ATL3: variants seen among roughly 807,000 people sequenced by gnomAD.
ATL3 encodes atlastin GTPase 3, also known as atlastin-3.
In ATL3, 49 loss-of-function variants were observed where a neutral mutation model predicts 69.5. The observed-to-expected ratio is 0.71, with a 90% confidence interval of 0.56 to 0.89. ATL3 has a LOEUF of 0.89. ATL3 is among the 40% of genes least tolerant of loss of function. The pLI is 0.00. For missense variants in ATL3, 606 were observed against 645.7 expected, an observed-to-expected ratio of 0.94 and a Z score of 0.67; for synonymous variants, 214 against 224.1, an observed-to-expected ratio of 0.95 and a Z score of 0.40.
At chr11:63,665,948 A>G in intron 1 of ATL3, among the ~76,000 whole-genome samples, 1 of 152,090 alleles carries the variant, frequency 6.6e-6, no homozygotes, top group East Asian at 1.9e-4. Flanking sequence ...TGAGCTGTAC[A>G]CACCAATAAT....
intron 5 of ATL3, among the ~76,000 whole-genome samples, chr11:63,649,719 G>T (rs1239477653): frequency 6.6e-6 from 1 of 151,470 alleles, no homozygotes; most frequent in East Asian, 1.9e-4. Flanking sequence ...TGTACTTTCA[G>T]TAGAGACAGG....
intron 6 of ATL3, among the ~76,000 whole-genome samples, chr11:63,645,522 G>A (rs1939842180): frequency 6.6e-6 from 1 of 152,126 alleles, no homozygotes; most frequent in East Asian, 1.9e-4. Flanking sequence ...TGAGGCATAG[G>A]TCAGCAAAGA....
rs1428810989 is a variant in ATL3, at chr11:63,671,244, C to A, written c.46+46G>T. On this transcript the variant is annotated intron_variant, in intron 1 of 12. Transcript: ENST00000398868. ...CTTTTCAGAACTACAGCAGGGAAGG[C>A]GGCGGGGGTGGCCGCGGGGCGATCC... 3.9e-6 allele frequency: 6 copies of A among 1,543,400 alleles called. No homozygotes were observed. The Admixed American group carries it at 1.0e-4, about 26-fold the overall frequency.
At chr11:63,635,384 C>T in intron 10 of ATL3, 150 bp downstream of exon 10, 1 of 657,036 alleles carries the variant, frequency 1.5e-6, no homozygotes, top group Non-Finnish European at 2.6e-6. Flanking sequence ...CGCCACACTA[C>T]TGCAAAATGT....
intron 3 of ATL3, among the ~76,000 whole-genome samples, chr11:63,657,180 G>C (rs1940279888): frequency 6.9e-6 from 1 of 144,658 alleles, no homozygotes; most frequent in South Asian, 2.2e-4. Flanking sequence ...CTGCACTCCA[G>C]CCTGGGCAAC....
chr11:63,645,586 G>A (rs1033493346), intron 6 of ATL3, among the ~76,000 whole-genome samples: 1 of 151,744 alleles, frequency 6.6e-6, no homozygotes, highest in African/African-American at 2.4e-5. Context: ...GAGAGTGAGT[G>A]AGTGTGTATG....
At chr11:63,669,422 C>T (rs959824562) in intron 1 of ATL3, among the ~76,000 whole-genome samples, 3 of 151,834 alleles carry the variant, frequency 2.0e-5, no homozygotes, top group Admixed American at 1.3e-4. Context: ...GTAATCCCAG[C>T]TACCTGGGAG....
At position 63,628,569 on chromosome 11, in the gene ATL3, C is replaced by G. The variant is rs149562397; in HGVS notation, c.*750G>C. 0.014 allele frequency: 2,168 copies of G among 152,250 alleles called. 23 individuals are homozygous for G. Among genetic ancestry groups the G allele is most frequent in the Non-Finnish European group, 0.023 (1,546 of 68,050 alleles). 9.4% of individuals were successfully genotyped at this position (152,250 alleles called of 1,614,324 possible). ...CTTCTTGGCCGGGCACGGTGGCTCACGCCTGTAATCCCAGCACTTTGGGAG... is the reference window on the plus strand; with the variant it reads ...CTTCTTGGCCGGGCACGGTGGCTCAGGCCTGTAATCCCAGCACTTTGGGAG... On this transcript the variant is annotated 3_prime_UTR_variant, in exon 13 of 13. Coordinates refer to ENST00000398868, the MANE Select transcript of ATL3 (RefSeq NM_015459.5).
intron 1 of ATL3, among the ~76,000 whole-genome samples, chr11:63,659,671 G>A (rs993434168): frequency 4.6e-5 from 7 of 151,832 alleles, no homozygotes; most frequent in East Asian, 1.9e-4. Context: ...ACAGTGGTTC[G>A]CCCCTGTAAT....
At chr11:63,671,469 G>A (rs1012040688), upstream of ATL3, 17 of 1,473,106 alleles carry the variant, frequency 1.2e-5, no homozygotes, top group African/African-American at 3.0e-5. Context: ...AGAAGGTGGG[G>A]CACGCGGAGC....
chr11:63,665,065 G>C lies in ATL3; in HGVS notation c.47-5813C>G, dbSNP rs534297341. Among the ~76,000 whole-genome samples, 419 of 152,322 alleles carry C rather than the reference G, an allele frequency of 2.8e-3. 1 individual carries two copies. The highest frequency in any genetic ancestry group is 4.5e-3 in the Non-Finnish European group (307 of 68,024). On this transcript the variant is annotated intron_variant, in intron 1 of 12. Transcript: ENST00000398868. ...CAATGATAAGAATGTATACAGTTGA[G>C]ACTGGGCATGGGGGCTCATGCCTGT... is the stretch of plus-strand genomic sequence containing the variant.
At chr11:63,662,792 C>A (rs1246968946) in intron 1 of ATL3, among the ~76,000 whole-genome samples, 1 of 151,892 alleles carries the variant, frequency 6.6e-6, no homozygotes, top group African/African-American at 2.4e-5. Flanking sequence ...AATTTAAAGT[C>A]GACTTAAGGA....
At chr11:63,654,853 T>C (rs146635283) in intron 3 of ATL3, among the ~76,000 whole-genome samples, 1,673 of 150,460 alleles carry the variant, frequency 0.011, 29 homozygotes, top group African/African-American at 0.038. Context: ...CACACCACCA[T>C]ACCCGGCTAA....
intron 1 of ATL3, among the ~76,000 whole-genome samples, chr11:63,666,980 T>A (rs1007281422): frequency 2.0e-5 from 3 of 152,234 alleles, no homozygotes; most frequent in African/African-American, 7.2e-5. Context: ...AACATATGTT[T>A]AAAATTCCAG....
At chr11:63,646,978 T>TC (rs1162989126) in intron 5 of ATL3, among the ~76,000 whole-genome samples, 1 of 152,126 alleles carries the variant, frequency 6.6e-6, no homozygotes, top group African/African-American at 2.4e-5. Context: ...ACACTGGCCC[T>TC]CCTTCCTGTT....
At chr11:63,637,064 G>A (rs906086965) in intron 8 of ATL3, among the ~76,000 whole-genome samples, 2 of 152,110 alleles carry the variant, frequency 1.3e-5, no homozygotes, top group Non-Finnish European at 2.9e-5. Context: ...GGATCACGAG[G>A]TCAGGAGTTC....
intron 8 of ATL3, among the ~76,000 whole-genome samples, chr11:63,640,964 T>C (rs1031616857): frequency 6.6e-5 from 10 of 152,220 alleles, no homozygotes; most frequent in Admixed American, 5.2e-4. Context: ...AGAAGTGGGA[T>C]AGTGGATCAA....
chr11:63,669,491 C>T lies in ATL3; in HGVS notation c.46+1799G>A, dbSNP rs148587979. Among the ~76,000 whole-genome samples the T allele has an allele frequency of 6.3e-3, 951 of 151,796 alleles. 7 individuals carry two copies. Among genetic ancestry groups the T allele is most frequent in the African/African-American group, 0.021 (885 of 41,370 alleles). ...CGGAGGTTGCAGTGAGCAGAGATCG[C>T]GCCATTGCACTCCACCCTGGGCGAG... On this transcript the variant is annotated intron_variant, in intron 1 of 12. Coordinates refer to ENST00000398868, the MANE Select transcript of ATL3 (RefSeq NM_015459.5).
At chr11:63,671,614 C>A, upstream of ATL3, 5 of 1,422,076 alleles carry the variant, frequency 3.5e-6, no homozygotes, top group East Asian at 3.1e-5. Context: ...GCCGCGTGTG[C>A]GCGAAGCGAG....
Sources: allele counts gnomAD v4.1 joint callset (sites outside exome capture counted in the v4.1 genomes callset), GRCh38; gene constraint gnomAD v4.1.1; transcripts MANE v1.5; gene names NCBI Gene and HGNC (gene_info 2026-07-23, HGNC 2026-07-21).